PLCB1: variants seen among roughly 807,000 people sequenced by gnomAD.
PLCB1 encodes the protein 1-phosphatidylinositol 4,5-bisphosphate phosphodiesterase beta-1.
Under a neutral mutation model 161.8 loss-of-function variants are expected in PLCB1, and 46 were observed. The ratio of observed to expected loss-of-function variants is 0.28; its 90% CI spans 0.22 to 0.36. The LOEUF (loss-of-function observed/expected upper bound fraction) is 0.36. Among genes scored for constraint, PLCB1 ranks in the 10% least tolerant of loss-of-function variants. PLCB1 has a pLI of 1.00. For synonymous variants in PLCB1, 517 were observed against 503.7 expected (o/e 1.03, Z -0.35); for missense variants, 1,016 against 1,472.5 (o/e 0.69, Z 5.07).
chr20:8,578,573 T>C (rs962225436), intron 3 of PLCB1, among the ~76,000 whole-genome samples: 1 of 152,216 alleles, frequency 6.6e-6, no homozygotes, highest in Admixed American at 6.5e-5. Flanking sequence ...CAAAGAATAG[T>C]CCTAACCAAT....
At chr20:8,682,983 C>T (rs1173961167) in intron 9 of PLCB1, among the ~76,000 whole-genome samples, 1 of 151,944 alleles carries the variant, frequency 6.6e-6, no homozygotes, top group African/African-American at 2.4e-5. Flanking sequence ...TTAGAAACAA[C>T]TTTAATGATC....
intron 3 of PLCB1, among the ~76,000 whole-genome samples, chr20:8,522,105 C>T (rs1192184527): frequency 2.0e-5 from 3 of 152,178 alleles, no homozygotes; most frequent in Non-Finnish European, 2.9e-5. Context: ...TATCCCCATG[C>T]ACCCTAAAGC....
At chr20:8,518,437 T>C (rs1011213409) in intron 3 of PLCB1, among the ~76,000 whole-genome samples, 2 of 152,132 alleles carry the variant, frequency 1.3e-5, no homozygotes, top group Admixed American at 1.3e-4. Context: ...AAGAAAACCC[T>C]ACTGGGGAGA....
chr20:8,782,503 C>G (rs1406869702), intron 27 of PLCB1, among the ~76,000 whole-genome samples: 1 of 152,094 alleles, frequency 6.6e-6, no homozygotes, highest in Non-Finnish European at 1.5e-5. Context: ...AGTGGTCCTC[C>G]TACCTCAGCC....
chr20:8,753,093 T>G (rs1981566902), intron 23 of PLCB1, among the ~76,000 whole-genome samples: 1 of 152,040 alleles, frequency 6.6e-6, no homozygotes, highest in Non-Finnish European at 1.5e-5. Context: ...GGTTGTGGGC[T>G]CCTTATGAAA....
At chr20:8,577,561 T>A (rs959454145) in intron 3 of PLCB1, among the ~76,000 whole-genome samples, 1 of 152,020 alleles carries the variant, frequency 6.6e-6, no homozygotes, top group African/African-American at 2.4e-5. Flanking sequence ...AATCAAAATA[T>A]TAATAATTCC....
chr20:8,773,027 T>C (rs553679899), intron 26 of PLCB1, among the ~76,000 whole-genome samples: 1 of 152,344 alleles, frequency 6.6e-6, no homozygotes, highest in South Asian at 2.1e-4. Flanking sequence ...AGGAGCCTTA[T>C]AGAATGTCCG....
intron 12 of PLCB1, among the ~76,000 whole-genome samples, chr20:8,715,556 C>A (rs1979258948): frequency 6.6e-6 from 1 of 152,180 alleles, no homozygotes. Context: ...CAGTGCCAGC[C>A]TTTTTCCATT....
chr20:8,389,829 A>G lies in PLCB1; in HGVS notation c.246+18379A>G, dbSNP rs553506897. Among the ~76,000 whole-genome samples, 26 of 152,274 alleles carry G rather than the reference A, an allele frequency of 1.7e-4. 1 individual carries two copies. The South Asian group carries it at 4.4e-3, about 25-fold the overall frequency. On this transcript the variant is annotated intron_variant, in intron 3 of 31. Transcript: ENST00000338037. ...TGATGTGCAGGCCACACCCCAATCAATTAAATTGAAATGTCTGCTGTGGGG... is the reference window on the plus strand; with the variant it reads ...TGATGTGCAGGCCACACCCCAATCAGTTAAATTGAAATGTCTGCTGTGGGG...
chr20:8,314,907 T>C (rs1393851051), intron 2 of PLCB1, among the ~76,000 whole-genome samples: 2 of 152,168 alleles, frequency 1.3e-5, no homozygotes, highest in East Asian at 1.9e-4. Flanking sequence ...ATTTCAGTCA[T>C]ATTTAATTAG....
chr20:8,765,450 A>T, intron 26 of PLCB1, 92 bp downstream of exon 26: 1 of 936,338 alleles, frequency 1.1e-6, no homozygotes, highest in Non-Finnish European at 1.6e-6. Flanking sequence ...TTGGACCTGT[A>T]CCATGGCAAG....
chr20:8,800,480 G>T (rs1984231954), intron 31 of PLCB1, among the ~76,000 whole-genome samples: 1 of 151,974 alleles, frequency 6.6e-6, no homozygotes, highest in Non-Finnish European at 1.5e-5. Context: ...CATTTATACA[G>T]ACACACGAAC....
intron 12 of PLCB1, among the ~76,000 whole-genome samples, chr20:8,711,745 G>A (rs890018109): frequency 7.2e-5 from 11 of 152,056 alleles, no homozygotes; most frequent in Admixed American, 3.9e-4. Flanking sequence ...GTAAAACCCC[G>A]TGCTTGACTT....
chr20:8,133,141 C>T (rs2051310080), intron 1 of PLCB1, among the ~76,000 whole-genome samples: 1 of 152,128 alleles, frequency 6.6e-6, no homozygotes, highest in Non-Finnish European at 1.5e-5. Context: ...CGCCTGCGGA[C>T]GCACCCCCTA....
At chr20:8,137,353 A>G (rs2051360036) in intron 1 of PLCB1, among the ~76,000 whole-genome samples, 1 of 152,230 alleles carries the variant, frequency 6.6e-6, no homozygotes, top group South Asian at 2.1e-4. Flanking sequence ...GGTTATGGGA[A>G]ACAGGGAGGA....
At chr20:8,143,017 C>A (rs1269917682) in intron 1 of PLCB1, among the ~76,000 whole-genome samples, 1 of 152,170 alleles carries the variant, frequency 6.6e-6, no homozygotes, top group Non-Finnish European at 1.5e-5. Flanking sequence ...TATTATCTGA[C>A]ACCACTCCCC....
chr20:8,235,779 A>G (rs1219498102), intron 2 of PLCB1, among the ~76,000 whole-genome samples: 1 of 152,072 alleles, frequency 6.6e-6, no homozygotes, highest in Non-Finnish European at 1.5e-5. Flanking sequence ...TATTTCTAAA[A>G]TACTTTTATA....
At chr20:8,827,504 T>C (rs1333771133) in intron 31 of PLCB1, among the ~76,000 whole-genome samples, 1 of 152,238 alleles carries the variant, frequency 6.6e-6, no homozygotes, top group Non-Finnish European at 1.5e-5. Context: ...TGGTAAACAC[T>C]AGCCATACAG....
intron 3 of PLCB1, among the ~76,000 whole-genome samples, chr20:8,474,525 G>T (rs1014474599): frequency 2.0e-5 from 3 of 152,138 alleles, no homozygotes; most frequent in Non-Finnish European, 4.4e-5. Context: ...GGGTAGAGTG[G>T]CAGGGATTAT....
Sources: allele counts gnomAD v4.1 joint callset (sites outside exome capture counted in the v4.1 genomes callset), GRCh38; gene constraint gnomAD v4.1.1; transcripts MANE v1.5; gene names NCBI Gene and HGNC (gene_info 2026-07-23, HGNC 2026-07-21).